RNGTT: variants seen among roughly 807,000 people sequenced by gnomAD.
RNGTT encodes RNA guanylyltransferase and 5'-phosphatase.
In RNGTT, 33 loss-of-function variants were observed where a neutral mutation model predicts 79.3. The observed-to-expected ratio is 0.42, with a 90% CI of 0.32 to 0.56. RNGTT has a LOEUF of 0.56. Among genes scored for constraint, RNGTT ranks in the 20% least tolerant of loss-of-function variants. The pLI, the probability that RNGTT is intolerant of heterozygous loss-of-function variation, is 0.17. For synonymous variants in RNGTT, 222 were observed against 235.9 expected (o/e 0.94, Z 0.54); for missense variants, 497 against 739.1 (o/e 0.67, Z 3.80).
At position 88,704,259 on chromosome 6, in the gene RNGTT, CAAAAA is replaced by C. The variant is rs35623392; in HGVS notation, c.1440-25845_1440-25841del. Among the ~76,000 whole-genome samples the C allele has an allele frequency of 4.0e-3, 194 of 48,682 alleles. 2 individuals are homozygous for C. The highest frequency in any genetic ancestry group is 0.012 in the African/African-American group (186 of 15,020). The allele number at this position is 48,682 out of a possible 152,430, so 31.9% of individuals were successfully genotyped here. A position where few individuals can be genotyped will look rare whatever the true frequency, so the allele number is the denominator to read the frequency against. ...TGGGTGACAGAGCGAGACTCTGTCT[CAAAAA>C]AAAAAAAAAAAAAAAAAAAAAAGAC... On this transcript the variant is annotated intron_variant, in intron 13 of 15. Coordinates refer to ENST00000369485, the MANE Select transcript of RNGTT (RefSeq NM_003800.5).
At chr6:88,961,371 A>C (rs545328490) in intron 1 of RNGTT, among the ~76,000 whole-genome samples, 15 of 152,136 alleles carry the variant, frequency 9.9e-5, no homozygotes, top group African/African-American at 3.6e-4. Context: ...ATATATGTAC[A>C]TATATTTCCT....
intron 14 of RNGTT, among the ~76,000 whole-genome samples, chr6:88,633,915 C>T (rs1772999915): frequency 6.6e-6 from 1 of 152,166 alleles, no homozygotes; most frequent in Non-Finnish European, 1.5e-5. Context: ...CAAACCATCT[C>T]ACACGTGTTT....
chr6:88,843,308 T>C (rs750351519), intron 11 of RNGTT, among the ~76,000 whole-genome samples: 2 of 152,016 alleles, frequency 1.3e-5, no homozygotes, highest in African/African-American at 4.8e-5. Context: ...TATCCACCCA[T>C]ATAAACAAAA....
rs138821317 is a variant in RNGTT, at chr6:88,694,411, C to T, written c.1440-15992G>A. ...AAATTTAGAAAGTGAAAGGCCTACA[C>T]ACGAAAAATTATAAAACACTGATGA... On this transcript the variant is annotated intron_variant, in intron 13 of 15. Transcript: ENST00000369485. Among the ~76,000 whole-genome samples the T allele has an allele frequency of 1.6e-4, 25 of 151,968 alleles. No individual in the cohort carries two copies. The East Asian group carries it at 4.8e-3, about 29-fold the overall frequency.
chr6:88,768,338 C>T (rs921522200), intron 13 of RNGTT, among the ~76,000 whole-genome samples: 2 of 151,964 alleles, frequency 1.3e-5, no homozygotes, highest in African/African-American at 2.4e-5. Flanking sequence ...AAATTCCTGG[C>T]CTCAAGTGAT....
At chr6:88,891,960 A>G in intron 6 of RNGTT, 45 bp from the exon 7 acceptor site, 1 of 1,269,064 alleles carries the variant, frequency 7.9e-7, no homozygotes, top group South Asian at 1.5e-5. Context: ...AAAATATTTT[A>G]TTAGAGTTCA....
chr6:88,902,284 T>TAA (rs576023246), intron 6 of RNGTT, among the ~76,000 whole-genome samples: 74 of 152,072 alleles, frequency 4.9e-4, no homozygotes, highest in Non-Finnish European at 8.2e-4. Flanking sequence ...TAGGAATAAG[T>TAA]AAATGGAATA....
At chr6:88,929,838 A>T (rs1784430917) in intron 2 of RNGTT, among the ~76,000 whole-genome samples, 1 of 151,644 alleles carries the variant, frequency 6.6e-6, no homozygotes, top group Non-Finnish European at 1.5e-5. Context: ...ACACATATAC[A>T]TATACACACA....
At chr6:88,678,221 G>A (rs766230839) in intron 14 of RNGTT, 132 bp downstream of exon 14, 8 of 1,354,936 alleles carry the variant, frequency 5.9e-6, no homozygotes, top group Non-Finnish European at 2.9e-6. Flanking sequence ...GGGCTCAAGT[G>A]ATCCACCTGT....
chr6:88,794,294 A>G (rs1331688690), intron 12 of RNGTT, among the ~76,000 whole-genome samples: 1 of 152,226 alleles, frequency 6.6e-6, no homozygotes, highest in Non-Finnish European at 1.5e-5. Flanking sequence ...GAGAATTTAA[A>G]GAAAGCCACT....
intron 13 of RNGTT, among the ~76,000 whole-genome samples, chr6:88,766,491 A>T (rs1778466417): frequency 6.6e-6 from 1 of 152,136 alleles, no homozygotes; most frequent in South Asian, 2.1e-4. Flanking sequence ...CACAATATAA[A>T]TTGCTAAGAT....
intron 13 of RNGTT, among the ~76,000 whole-genome samples, chr6:88,736,152 G>A (rs1777276691): frequency 6.6e-6 from 1 of 151,914 alleles, no homozygotes; most frequent in Non-Finnish European, 1.5e-5. Flanking sequence ...AATCTAACAA[G>A]GCCAATATTT....
At chr6:88,671,792 A>G (rs1338151746) in intron 14 of RNGTT, among the ~76,000 whole-genome samples, 2 of 152,216 alleles carry the variant, frequency 1.3e-5, no homozygotes, top group Non-Finnish European at 2.9e-5. Context: ...GAACCTAGAA[A>G]TAACGCCACA....
chr6:88,708,950 C>T (rs1776231452), intron 13 of RNGTT, among the ~76,000 whole-genome samples: 1 of 152,000 alleles, frequency 6.6e-6, no homozygotes, highest in Non-Finnish European at 1.5e-5. Flanking sequence ...TATTCATATT[C>T]ACTTAGGGAA....
intron 14 of RNGTT, among the ~76,000 whole-genome samples, chr6:88,668,255 G>A (rs935224200): frequency 6.6e-6 from 1 of 152,086 alleles, no homozygotes; most frequent in Non-Finnish European, 1.5e-5. Flanking sequence ...AGGAATTCCG[G>A]CCTGGATCCA....
At chr6:88,641,889 T>C (rs1012600390) in intron 14 of RNGTT, among the ~76,000 whole-genome samples, 1 of 152,184 alleles carries the variant, frequency 6.6e-6, no homozygotes, top group Admixed American at 6.5e-5. Flanking sequence ...TTCAAATATT[T>C]ACGATCACAG....
intron 4 of RNGTT, among the ~76,000 whole-genome samples, chr6:88,924,719 C>T (rs1450779404): frequency 1.3e-5 from 2 of 149,900 alleles, no homozygotes; most frequent in African/African-American, 2.5e-5. Context: ...CAAACATTCT[C>T]CTCTCCAATT....
At chr6:88,882,424 A>C (rs1478695578) in intron 8 of RNGTT, among the ~76,000 whole-genome samples, 2 of 152,216 alleles carry the variant, frequency 1.3e-5, no homozygotes, top group Non-Finnish European at 2.9e-5. Flanking sequence ...GTTTCCCCAG[A>C]ACCTAGCACA....
intron 14 of RNGTT, among the ~76,000 whole-genome samples, chr6:88,664,913 G>T (rs188361490): frequency 1.3e-5 from 2 of 152,096 alleles, no homozygotes; most frequent in East Asian, 1.9e-4. Flanking sequence ...GTCTAAAAAG[G>T]CTATTGATAT....
Sources: gnomAD v4.1 joint callset for allele counts (sites outside exome capture counted in the v4.1 genomes callset) on GRCh38, gnomAD v4.1.1 for gene constraint, MANE v1.5 for transcripts, NCBI Gene and HGNC (gene_info 2026-07-23, HGNC 2026-07-21) for gene names.